The following CYP2C18 variants were observed in gnomAD, a reference collection of about 807,000 sequenced individuals.
The protein encoded by CYP2C18 is cytochrome P450 2C18.
CYP2C18 carries 38 observed loss-of-function variants against 41.3 expected under a neutral mutation model. The observed-to-expected ratio is 0.92, with a 90% CI of 0.71 to 1.21. The LOEUF (loss-of-function observed/expected upper bound fraction) is 1.21, where lower values mean the gene tolerates loss of function less well. CYP2C18 is among the 50% of genes most tolerant of loss of function. The pLI is 0.00. For synonymous variants in CYP2C18, 236 were observed against 210.0 expected, an observed-to-expected ratio of 1.12 and a Z score of -1.07; for missense variants, 635 against 591.4, an observed-to-expected ratio of 1.07 and a Z score of -0.77.
rs879065603 is a variant in CYP2C18 at position 94,733,523 on chromosome 10, A to AGGTTT, written c.1291+88_1291+92dup. The AGGTTT allele has an allele frequency of 1.9e-5, 30 of 1,572,338 alleles. No individual in the cohort carries two copies. In the South Asian group the frequency reaches 3.3e-4, roughly 17 times the overall value. On this transcript the variant is annotated intron_variant, in intron 8 of 8. Coordinates refer to ENST00000285979, the MANE Select transcript of CYP2C18 (RefSeq NM_000772.3). ...TGACTCTTACATGATGCCACCTCTG[A>AGGTTT]GGTTTGGCTGAATTGCTTTGCAGAT...
rs201690300 is a variant in CYP2C18, at chr10:94,733,358, C to G, written c.1211C>G (p.Pro404Arg). The change falls in exon 8 of 9, where the codon CCA becomes CGA. Residue 404 changes from proline (P) to arginine (R), a missense_variant. Coordinates refer to ENST00000285979, the MANE Select transcript of CYP2C18 (RefSeq NM_000772.3). ...CACAATGACAAAGAATTCCCCAACC[C>G]AGAGATGTTTGACCCTGGCCACTTT... ...VLHNDKEFPN[P>R]EMFDPGHFLD... 117 of 1,613,336 alleles carry G rather than the reference C, an allele frequency of 7.3e-5. No individual in the cohort carries two copies. The highest frequency in any genetic ancestry group is 9.2e-5 in the Non-Finnish European group (108 of 1,179,600).
chr10:94,733,477 T>C, intron 8 of CYP2C18, 39 bp downstream of exon 8: 1 of 1,609,120 alleles, frequency 6.2e-7, no homozygotes, highest in Non-Finnish European at 8.5e-7. Context: ...TCAGGGCACA[T>C]GATACCTTTT....
intron 3 of CYP2C18, among the ~76,000 whole-genome samples, chr10:94,693,041 A>C (rs946353106): frequency 6.6e-6 from 1 of 152,140 alleles, no homozygotes; most frequent in East Asian, 1.9e-4. Flanking sequence ...GAGGGATAGC[A>C]TTAGGAGATA....
rs1376761087 is a variant in CYP2C18, at chr10:94,714,187, TC to T, written c.820-6206del. Among the ~76,000 whole-genome samples, 13 of 152,164 alleles carry T rather than the reference TC, an allele frequency of 8.5e-5. 1 individual carries two copies. The highest frequency in any genetic ancestry group is 7.2e-4 in the Admixed American group (11 of 15,274). On this transcript the variant is annotated intron_variant, in intron 5 of 8. Transcript: ENST00000285979. ...GCAGAAGCTCTTTAGTTTAATTAGATCCCATTTGTCAATTTTGTCTTTTGTT... is the reference window on the plus strand; with the variant it reads ...GCAGAAGCTCTTTAGTTTAATTAGATCCATTTGTCAATTTTGTCTTTTGTT...
At chr10:94,708,771 A>G (rs900037489) in intron 5 of CYP2C18, among the ~76,000 whole-genome samples, 1 of 152,168 alleles carries the variant, frequency 6.6e-6, no homozygotes, top group African/African-American at 2.4e-5. Context: ...ACACTAATAT[A>G]CTGTCTGTCT....
At chr10:94,729,430 C>T (rs974107885) in intron 7 of CYP2C18, among the ~76,000 whole-genome samples, 4 of 152,044 alleles carry the variant, frequency 2.6e-5, no homozygotes, top group African/African-American at 9.7e-5. Flanking sequence ...CTAACAGCTC[C>T]AACAGGCAAG....
intron 4 of CYP2C18, among the ~76,000 whole-genome samples, chr10:94,701,856 T>C (rs1847251953): frequency 6.6e-6 from 1 of 152,326 alleles, no homozygotes; most frequent in East Asian, 1.9e-4. Context: ...AGGAGAAGTC[T>C]GAAGCCTATA....
intron 5 of CYP2C18, among the ~76,000 whole-genome samples, chr10:94,712,150 T>A (rs1847449044): frequency 6.9e-6 from 1 of 143,990 alleles, no homozygotes; most frequent in Non-Finnish European, 1.5e-5. Context: ...ACCTGGCCTC[T>A]TTTTCCAATT....
intron 4 of CYP2C18, among the ~76,000 whole-genome samples, chr10:94,698,015 C>T (rs1847154617): frequency 6.6e-6 from 1 of 152,138 alleles, no homozygotes. Flanking sequence ...GACTTAGACT[C>T]CCACACAATA....
Position 94,683,914 on chromosome 10 carries a change from G to C in CYP2C18, c.95G>C (p.Gly32Ala). Reference protein sequence around the residue: ...QSSGRGRLPSGPTPLPIIGNI... With the variant: ...QSSGRGRLPSAPTPLPIIGNI... Reference sequence around the variant, plus strand: ...TCTGGAAGAGGGAGGCTCCCGTCTGGCCCCACTCCTCTCCCGATTATTGGA... The same window carrying C: ...TCTGGAAGAGGGAGGCTCCCGTCTGCCCCCACTCCTCTCCCGATTATTGGA... Residue 32 changes from glycine to alanine, a missense_variant, in exon 1 of 9, where the codon GGC becomes GCC. Gly to Ala is a moderately conservative substitution (Grantham distance 60). Coordinates refer to ENST00000285979, the MANE Select transcript of CYP2C18 (RefSeq NM_000772.3). 6.2e-7 allele frequency: 1 copy of C among 1,610,986 alleles called. No individual in the cohort carries two copies. The highest frequency in any genetic ancestry group is 1.7e-5 in the Admixed American group (1 of 59,516).
chr10:94,692,365 T>C (rs61886192), intron 3 of CYP2C18, among the ~76,000 whole-genome samples: 2 of 149,950 alleles, frequency 1.3e-5, no homozygotes, highest in Admixed American at 6.6e-5. Flanking sequence ...GGGCAAAGGA[T>C]ATGAGCAGAC....
chr10:94,716,878 A>G (rs1434987886), intron 5 of CYP2C18, among the ~76,000 whole-genome samples: 1 of 152,158 alleles, frequency 6.6e-6, no homozygotes, highest in East Asian at 1.9e-4. Flanking sequence ...TATTGGGTGC[A>G]TATATATTTA....
chr10:94,687,832 G>A lies in CYP2C18; in HGVS notation c.231G>A (p.Leu77=), dbSNP rs755901390. The change falls in exon 2 of 9, where the codon TTG becomes TTA. Residue 77 remains leucine (L), a synonymous_variant. Coordinates refer to ENST00000285979, the MANE Select transcript of CYP2C18 (RefSeq NM_000772.3). Reference sequence around the variant, plus strand: ...TTGGCCTGAAGCCCATTGTGGTGTTGCATGGATATGAAGCAGTGAAGGAGG... The same window carrying A: ...TTGGCCTGAAGCCCATTGTGGTGTTACATGGATATGAAGCAGTGAAGGAGG... The part of the protein sequence containing the change: ...VYFGLKPIVV[L]HGYEAVKEAL... 2.5e-6 allele frequency: 4 copies of A among 1,613,734 alleles called. No homozygotes were observed. The African/African-American group carries it at 4.0e-5, about 16-fold the overall frequency.
chr10:94,724,291 C>A, intron 6 of CYP2C18, 55 bp from the exon 7 acceptor site: 1 of 1,573,488 alleles, frequency 6.4e-7, no homozygotes, highest in South Asian at 1.1e-5. Flanking sequence ...TGAATTGCTA[C>A]AACAAATGTG....
intron 5 of CYP2C18, among the ~76,000 whole-genome samples, chr10:94,717,865 T>C (rs1477404466): frequency 6.6e-6 from 1 of 152,156 alleles, no homozygotes; most frequent in Non-Finnish European, 1.5e-5. Context: ...ATTTGTAGTA[T>C]AGCTTGAAAT....
chr10:94,719,674 A>T (rs1458853400), intron 5 of CYP2C18, among the ~76,000 whole-genome samples: 1 of 151,894 alleles, frequency 6.6e-6, no homozygotes, highest in African/African-American at 2.4e-5. Flanking sequence ...TCCTGGGTTC[A>T]AGTGATTCTT....
At chr10:94,728,914 C>A (rs1847786907) in intron 7 of CYP2C18, among the ~76,000 whole-genome samples, 1 of 152,084 alleles carries the variant, frequency 6.6e-6, no homozygotes, top group East Asian at 1.9e-4. Context: ...TTTTAACAGT[C>A]TTGCTAATTT....
chr10:94,722,201 G>C (rs1288955167), intron 6 of CYP2C18, among the ~76,000 whole-genome samples: 2 of 152,094 alleles, frequency 1.3e-5, no homozygotes, highest in Admixed American at 6.6e-5. Flanking sequence ...TATTTAAGCA[G>C]AAAATGTGCC....
intron 7 of CYP2C18, among the ~76,000 whole-genome samples, chr10:94,728,130 GT>G (rs766307155): frequency 6.6e-6 from 1 of 151,640 alleles, no homozygotes. Flanking sequence ...ATCACGAACA[GT>G]TTTTTTTAGT....
Sources: gnomAD v4.1 joint callset for allele counts (sites outside exome capture counted in the v4.1 genomes callset) on GRCh38, gnomAD v4.1.1 for gene constraint, MANE v1.5 for transcripts, NCBI Gene and HGNC (gene_info 2026-07-23, HGNC 2026-07-21) for gene names.